FRMPD4: variants seen among roughly 807,000 people sequenced by gnomAD.
The protein encoded by FRMPD4 is FERM and PDZ domain containing 4.
In FRMPD4, 22 loss-of-function variants were observed where a neutral mutation model predicts 94.1. The ratio of observed to expected loss-of-function variants is 0.23; its 90% CI spans 0.17 to 0.33. The LOEUF (loss-of-function observed/expected upper bound fraction) is 0.33. Among genes scored for constraint, FRMPD4 ranks in the 10% least tolerant of loss-of-function variants. FRMPD4 has a pLI of 1.00. For synonymous variants in FRMPD4, 631 were observed against 548.6 expected (o/e 1.15, Z -2.10); for missense variants, 1,111 against 1,339.9 (o/e 0.83, Z 2.67).
intron 2 of FRMPD4, among the ~76,000 whole-genome samples, chrX:12,585,076 C>T (rs1270411815): frequency 9.0e-6 from 1 of 111,164 alleles, no homozygotes; most frequent in African/African-American, 3.3e-5. Context: ...AGCCACCATA[C>T]CCAGCTAATT....
chrX:11,902,849 G>A (rs773086108), intron 3 of FRMPD4, among the ~76,000 whole-genome samples: 1 of 111,869 alleles, frequency 8.9e-6, no homozygotes, highest in South Asian at 3.8e-4. Context: ...GCAAACGTGA[G>A]GGCAGGAAGA....
At chrX:12,082,947 A>C (rs902295145) in intron 3 of FRMPD4, among the ~76,000 whole-genome samples, 1 of 112,562 alleles carries the variant, frequency 8.9e-6, no homozygotes, top group African/African-American at 3.2e-5. Context: ...CCATTTTAAA[A>C]GGGAAATTGA....
intron 3 of FRMPD4, among the ~76,000 whole-genome samples, chrX:11,956,802 T>C (rs1236767722): frequency 9.0e-6 from 1 of 111,669 alleles, no homozygotes; most frequent in Non-Finnish European, 1.9e-5. Context: ...GCACTGAGGG[T>C]GGGAGGCTGA....
At chrX:12,646,040 T>A (rs767941755) in intron 4 of FRMPD4, among the ~76,000 whole-genome samples, 8 of 112,052 alleles carry the variant, frequency 7.1e-5, no homozygotes, top group Non-Finnish European at 1.3e-4. Flanking sequence ...AATCTGTTAT[T>A]ATTTTAGAGG....
At chrX:12,013,996 CT>C (rs201314449) in intron 3 of FRMPD4, among the ~76,000 whole-genome samples, 181 of 111,507 alleles carry the variant, frequency 1.6e-3, no homozygotes, top group African/African-American at 5.6e-3. Context: ...TATTATATAA[CT>C]TTTTTTTTAA....
chrX:12,503,887 C>G (rs998020624), intron 2 of FRMPD4, among the ~76,000 whole-genome samples: 1 of 111,970 alleles, frequency 8.9e-6, no homozygotes, highest in Non-Finnish European at 1.9e-5. Context: ...TGTGGAGTCC[C>G]TTTATCTGTT....
At chrX:11,848,255 A>G (rs2053594245) in intron 1 of FRMPD4, among the ~76,000 whole-genome samples, 1 of 110,399 alleles carries the variant, frequency 9.1e-6, no homozygotes, top group South Asian at 3.9e-4. Flanking sequence ...AATTTGTGGA[A>G]TTGCCCTACC....
intron 4 of FRMPD4, among the ~76,000 whole-genome samples, chrX:12,632,929 G>C (rs2059409193): frequency 8.9e-6 from 1 of 112,271 alleles, no homozygotes; most frequent in Non-Finnish European, 1.9e-5. Context: ...GCAGTCAGAA[G>C]CTGCTGAAAG....
At chrX:12,102,824 A>G (rs16986683) in intron 3 of FRMPD4, among the ~76,000 whole-genome samples, 5,440 of 109,352 alleles carry the variant, frequency 0.05, 321 homozygotes, top group African/African-American at 0.17. Context: ...GCCTGTGATG[A>G]TTGCTCTAAA....
intron 1 of FRMPD4, among the ~76,000 whole-genome samples, chrX:12,172,591 G>A (rs2056241657): frequency 8.9e-6 from 1 of 111,948 alleles, no homozygotes; most frequent in Non-Finnish European, 1.9e-5. Flanking sequence ...GCATTTTTAA[G>A]AGGTTCTCAT....
chrX:12,300,405 C>T (rs974178043), intron 1 of FRMPD4, among the ~76,000 whole-genome samples: 1 of 111,131 alleles, frequency 9.0e-6, no homozygotes, highest in Non-Finnish European at 1.9e-5. Flanking sequence ...ACAGGGAATT[C>T]GAAAGAGGAA....
At chrX:12,463,689 TTTGTTTTTG>T (rs1384562246) in intron 1 of FRMPD4, among the ~76,000 whole-genome samples, 9 of 91,782 alleles carry the variant, frequency 9.8e-5, no homozygotes, top group Admixed American at 8.3e-4. Flanking sequence ...GTGTTTTTTT[TTTGTTTTTG>T]TTTTTTTTTT....
At chrX:12,549,292 A>G (rs2058509907) in intron 2 of FRMPD4, among the ~76,000 whole-genome samples, 2 of 111,954 alleles carry the variant, frequency 1.8e-5, no homozygotes, top group Admixed American at 1.9e-4. Context: ...GCTTATAAGT[A>G]CTAACAACAC....
At chrX:12,377,311 A>G (rs1219358375) in intron 1 of FRMPD4, among the ~76,000 whole-genome samples, 2 of 112,601 alleles carry the variant, frequency 1.8e-5, no homozygotes, top group African/African-American at 6.5e-5. Flanking sequence ...TAAATGTACC[A>G]GGAAAAATGT....
intron 1 of FRMPD4, among the ~76,000 whole-genome samples, chrX:12,490,788 T>C (rs2057785400): frequency 8.9e-6 from 1 of 111,838 alleles, no homozygotes; most frequent in Non-Finnish European, 1.9e-5. Context: ...TATTCTTCCC[T>C]GATTTTACAC....
chrX:12,017,254 GAGAAGC>G (rs1221418307), intron 3 of FRMPD4, among the ~76,000 whole-genome samples: 1 of 112,246 alleles, frequency 8.9e-6, no homozygotes, highest in African/African-American at 3.2e-5. Context: ...GCTGAATGCA[GAGAAGC>G]AGAAGAGGAT....
At chrX:12,364,711 G>C (rs1389840918) in intron 1 of FRMPD4, among the ~76,000 whole-genome samples, 1 of 111,481 alleles carries the variant, frequency 9.0e-6, no homozygotes, top group Non-Finnish European at 1.9e-5. Flanking sequence ...AGATGTTAAA[G>C]CACCAAGATT....
chrX:12,620,470 A>G (rs774387553), intron 4 of FRMPD4, among the ~76,000 whole-genome samples: 1 of 112,413 alleles, frequency 8.9e-6, no homozygotes, highest in African/African-American at 3.2e-5. Context: ...TGGTCCAGCA[A>G]TAACCCTCCC....
intron 4 of FRMPD4, among the ~76,000 whole-genome samples, chrX:12,669,839 C>A (rs143929649): frequency 2.2e-3 from 252 of 112,157 alleles, no homozygotes; most frequent in African/African-American, 7.4e-3. Context: ...CCAGCTGACA[C>A]CTTGATTTTA....
Sources: gnomAD v4.1 joint callset for allele counts (sites outside exome capture counted in the v4.1 genomes callset) on GRCh38, gnomAD v4.1.1 for gene constraint, MANE v1.5 for transcripts, NCBI Gene and HGNC (gene_info 2026-07-23, HGNC 2026-07-21) for gene names.